CDK19: variants seen among roughly 807,000 people sequenced by gnomAD.
CDK19 encodes the protein cyclin dependent kinase 19, also known as cyclin-dependent kinase 19.
CDK19 carries 20 observed loss-of-function variants against 68.3 expected under a neutral mutation model. The ratio of observed to expected loss-of-function variants is 0.29; its 90% CI spans 0.21 to 0.43. CDK19 has a LOEUF of 0.43. Ranked by LOEUF, CDK19 falls within the 20% of genes least tolerant of loss-of-function variation. CDK19 has a pLI of 1.00. For missense variants in CDK19, 339 were observed against 623.5 expected (o/e 0.54, Z 4.86); for synonymous variants, 221 against 222.8 (o/e 0.99, Z 0.07).
Position 110,698,867 on chromosome 6 carries a change from T to C in CDK19, c.205-28326A>G, listed in dbSNP as rs187275060. 1.3e-4 allele frequency among the ~76,000 whole-genome samples: 20 copies of C among 151,950 alleles called. No homozygotes were observed. In the East Asian group the frequency reaches 3.9e-3, roughly 29 times the overall value. On this transcript the variant is annotated intron_variant, in intron 2 of 12. Coordinates refer to ENST00000368911, the MANE Select transcript of CDK19 (RefSeq NM_015076.5). ...GCCAAGGTGGGCAGATTTCCGGAGC[T>C]CAGGACTGACCTGGGCAAGATGATA... is the stretch of plus-strand genomic sequence containing the variant.
intron 2 of CDK19, among the ~76,000 whole-genome samples, chr6:110,701,268 C>T (rs374389477): frequency 1.1e-4 from 17 of 150,872 alleles, no homozygotes; most frequent in African/African-American, 3.9e-4. Flanking sequence ...TGGAGCCGGG[C>T]GTGGTGGCTC....
intron 4 of CDK19, among the ~76,000 whole-genome samples, chr6:110,652,361 C>T (rs1156265156): frequency 6.6e-6 from 1 of 152,042 alleles, no homozygotes; most frequent in African/African-American, 2.4e-5. Context: ...AGAAGCCAGA[C>T]ACAGTAAATG....
In CDK19 at chr6:110,809,050, CA is replaced by C. The variant is rs760361150; in HGVS notation, c.128+5958del. On this transcript the variant is annotated intron_variant, in intron 1 of 12. Transcript: ENST00000368911. ...GGAAACCCCATCTCTACTAAAAATA[CA>C]AAAAAAAAAAAAAATTAGCCGGGCA... Among the ~76,000 whole-genome samples the C allele has an allele frequency of 6.0e-3, 734 of 121,578 alleles. 1 individual carries two copies. Among genetic ancestry groups the C allele is most frequent in the South Asian group, 0.011 (43 of 3,934 alleles). The allele number at this position is 121,578 out of a possible 152,430, so 79.8% of individuals were successfully genotyped here.
At chr6:110,626,889 T>C in intron 7 of CDK19, 44 bp from the exon 8 acceptor site, 1 of 1,400,082 alleles carries the variant, frequency 7.1e-7, no homozygotes, top group East Asian at 2.4e-5. Context: ...AATGTGTTAA[T>C]TTAAAATCTC....
At chr6:110,660,454 G>C (rs1260254870) in intron 4 of CDK19, among the ~76,000 whole-genome samples, 1 of 152,176 alleles carries the variant, frequency 6.6e-6, no homozygotes. Context: ...TAACAGCTCA[G>C]TGGAGGGTTG....
At chr6:110,622,064 G>C (rs746727843) in intron 11 of CDK19, 24 bp downstream of exon 11, 7 of 1,467,278 alleles carry the variant, frequency 4.8e-6, no homozygotes, top group Admixed American at 1.9e-5. Context: ...CTTTGGAAGT[G>C]AAAGTATACC....
intron 1 of CDK19, among the ~76,000 whole-genome samples, chr6:110,796,237 C>G (rs1489826855): frequency 6.6e-6 from 1 of 152,050 alleles, no homozygotes; most frequent in African/African-American, 2.4e-5. Flanking sequence ...ACTTGGGAGG[C>G]TGAGGGAGGA....
intron 1 of CDK19, among the ~76,000 whole-genome samples, chr6:110,782,770 A>T (rs1175176937): frequency 6.6e-6 from 1 of 152,144 alleles, no homozygotes; most frequent in Non-Finnish European, 1.5e-5. Flanking sequence ...TAAACACCAA[A>T]TTCTATAGCC....
chr6:110,652,650 A>G (rs1054344283), intron 4 of CDK19, among the ~76,000 whole-genome samples: 1 of 152,258 alleles, frequency 6.6e-6, no homozygotes, highest in African/African-American at 2.4e-5. Flanking sequence ...GAACGCAAGT[A>G]GTACAGGAAG....
chr6:110,795,702 T>G lies in CDK19; in HGVS notation c.128+19307A>C, dbSNP rs185567901. 6.6e-5 allele frequency among the ~76,000 whole-genome samples: 10 copies of G among 152,276 alleles called. No homozygotes were observed. In the East Asian group the frequency reaches 1.7e-3, roughly 26 times the overall value. The stretch of plus-strand genomic sequence containing the variant: ...GAATTAGATATTAAGGACCAAGATT[T>G]AGACACAACAACAGCTATTAGTATT... On this transcript the variant is annotated intron_variant, in intron 1 of 12. Coordinates refer to ENST00000368911, the MANE Select transcript of CDK19 (RefSeq NM_015076.5).
chr6:110,646,038 T>C, intron 4 of CDK19: 1 of 922,038 alleles, frequency 1.1e-6, no homozygotes, highest in South Asian at 1.4e-5. Flanking sequence ...GCGTGCCATC[T>C]ACGAAGCTAT....
At chr6:110,656,096 A>G (rs1781293279) in intron 4 of CDK19, among the ~76,000 whole-genome samples, 1 of 152,184 alleles carries the variant, frequency 6.6e-6, no homozygotes, top group African/African-American at 2.4e-5. Flanking sequence ...GAATTATCCA[A>G]GGTACTTAGT....
At chr6:110,659,719 AG>A (rs1167910623) in intron 4 of CDK19, among the ~76,000 whole-genome samples, 1 of 152,146 alleles carries the variant, frequency 6.6e-6, no homozygotes, top group East Asian at 1.9e-4. Flanking sequence ...GACAGCAGGG[AG>A]GGGAAGAAGA....
At chr6:110,781,516 G>A (rs1780819841) in intron 1 of CDK19, among the ~76,000 whole-genome samples, 1 of 152,066 alleles carries the variant, frequency 6.6e-6, no homozygotes, top group Non-Finnish European at 1.5e-5. Context: ...CTGTTCCCAG[G>A]AATAAGAAAC....
chr6:110,750,736 G>C (rs1479606746), intron 1 of CDK19, among the ~76,000 whole-genome samples: 4 of 152,198 alleles, frequency 2.6e-5, no homozygotes, highest in African/African-American at 9.7e-5. Flanking sequence ...TAGATGTGAT[G>C]ATATTGCCTA....
Position 110,728,605 on chromosome 6 carries a change from T to C in CDK19, c.204+17521A>G, listed in dbSNP as rs566995628. Among the ~76,000 whole-genome samples the C allele has an allele frequency of 2.0e-4, 31 of 152,140 alleles. No homozygotes were observed. In the South Asian group the frequency reaches 5.2e-3, roughly 25 times the overall value. Reference sequence around the variant, plus strand: ...AAAAAACTAATTTGACTGTGTCATTTCCCTGCTAAAACCCAAGATCATTAA... The same window carrying C: ...AAAAAACTAATTTGACTGTGTCATTCCCCTGCTAAAACCCAAGATCATTAA... On this transcript the variant is annotated intron_variant, in intron 2 of 12. Transcript: ENST00000368911.
intron 4 of CDK19, chr6:110,645,783 T>C (rs1780521904): frequency 3.1e-5 from 18 of 587,472 alleles, no homozygotes; most frequent in Non-Finnish European, 2.3e-5. Context: ...TTTTCCAGTT[T>C]CTGGCCTCTG....
chr6:110,733,872 T>G (rs2114809983), intron 2 of CDK19, among the ~76,000 whole-genome samples: 1 of 152,244 alleles, frequency 6.6e-6, no homozygotes, highest in South Asian at 2.1e-4. Flanking sequence ...CTTTAAGCAT[T>G]ATTGATTTTC....
rs1562128593 is a variant in CDK19, at chr6:110,622,953, T to TA, written c.934-42dup. ...GGAAATGTACAGCACATGAAAAGGT[T>TA]ATTTACAAGTCAACACCTTGTCTTT... On this transcript the variant is annotated intron_variant, in intron 9 of 12. Transcript: ENST00000368911. 5.0e-6 allele frequency: 6 copies of TA among 1,201,788 alleles called. No individual in the cohort carries two copies. The Admixed American group carries it at 8.4e-5, about 17-fold the overall frequency. 74.4% of individuals were successfully genotyped at this position (1,201,788 alleles called of 1,614,324 possible).
Sources: allele counts gnomAD v4.1 joint callset (sites outside exome capture counted in the v4.1 genomes callset), GRCh38; gene constraint gnomAD v4.1.1; transcripts MANE v1.5; gene names NCBI Gene and HGNC (gene_info 2026-07-23, HGNC 2026-07-21).